SP140L: variants seen among roughly 807,000 people sequenced by gnomAD.
SP140L encodes nuclear body protein SP140-like protein.
SP140L carries 64 observed loss-of-function variants against 84.3 expected under a neutral mutation model. That is an observed-to-expected ratio of 0.76 (90% CI 0.62 to 0.94). The LOEUF is 0.94. Among genes scored for constraint, SP140L ranks in the 40% least tolerant of loss-of-function variants. The probability of loss-of-function intolerance (pLI) is 0.00; values close to 1 mark genes in which losing one functional copy is unlikely to be tolerated. For synonymous variants in SP140L, 242 were observed against 236.9 expected, an observed-to-expected ratio of 1.02 and a Z score of -0.20; for missense variants, 628 against 692.5, an observed-to-expected ratio of 0.91 and a Z score of 1.05.
At chr2:230,388,501 A>G (rs11688362) in intron 9 of SP140L, 58 bp from the exon 10 acceptor site, 402,661 of 1,398,062 alleles carry the variant, frequency 0.29, 61,870 homozygotes, top group Non-Finnish European at 0.32. Context: ...GAAAAGCAGC[A>G]ATATATGTAA....
intron 13 of SP140L, among the ~76,000 whole-genome samples, chr2:230,393,972 T>C (rs1029460081): frequency 1.3e-5 from 2 of 152,244 alleles, no homozygotes; most frequent in Non-Finnish European, 2.9e-5. Context: ...ATATTTCTTT[T>C]CTGATCTTTC....
In SP140L at chr2:230,356,798, G is replaced by A. The variant is rs571222814; in HGVS notation, c.108-1007G>A. ...TTTTCTGACCACTTTTTGTCTTCAA[G>A]GTTTTATTTGAAATCTCTTATGTGC... On this transcript the variant is annotated intron_variant, in intron 2 of 18. Transcript: ENST00000415673. Among the ~76,000 whole-genome samples, 59 of 152,164 alleles carry A rather than the reference G, an allele frequency of 3.9e-4. 1 individual carries two copies. Among genetic ancestry groups the A allele is most frequent in the African/African-American group, 1.3e-3 (54 of 41,536 alleles).
chr2:230,358,900 T>C, intron 3 of SP140L, 64 bp from the exon 4 acceptor site: 2 of 1,398,106 alleles, frequency 1.4e-6, no homozygotes, highest in Non-Finnish European at 9.6e-7. Flanking sequence ...TAAAATTTGT[T>C]TTTATGGCTC....
intron 2 of SP140L, among the ~76,000 whole-genome samples, chr2:230,348,320 G>A (rs555893556): frequency 7.3e-4 from 111 of 152,164 alleles, no homozygotes; most frequent in Non-Finnish European, 1.1e-3. Flanking sequence ...AAAATCTATC[G>A]TACACTGTTT....
chr2:230,374,997 A>T (rs1287298285), intron 7 of SP140L, among the ~76,000 whole-genome samples: 4 of 152,174 alleles, frequency 2.6e-5, no homozygotes, highest in Admixed American at 6.5e-5. Context: ...AGATGTTTGA[A>T]ATTTTTATCT....
intron 1 of SP140L, 75 bp downstream of exon 1, chr2:230,327,376 T>A: frequency 6.5e-7 from 1 of 1,531,186 alleles, no homozygotes; most frequent in Non-Finnish European, 8.9e-7. Context: ...GTTCAGTTTC[T>A]GTCTAAAGCT....
chr2:230,389,251 G>A (rs2061705558), intron 10 of SP140L, among the ~76,000 whole-genome samples: 1 of 152,118 alleles, frequency 6.6e-6, no homozygotes, highest in Admixed American at 6.5e-5. Context: ...GTTTGGAAGG[G>A]CAGGATTAGC....
chr2:230,373,109 G>A (rs1221811267), intron 7 of SP140L, among the ~76,000 whole-genome samples: 2 of 152,178 alleles, frequency 1.3e-5, no homozygotes, highest in African/African-American at 4.8e-5. Context: ...AAGTCTGAAG[G>A]TAACACCAGT....
chr2:230,365,095 G>C (rs1159107314), intron 5 of SP140L, among the ~76,000 whole-genome samples: 1 of 151,982 alleles, frequency 6.6e-6, no homozygotes, highest in Admixed American at 6.6e-5. Flanking sequence ...TGTTTATCAG[G>C]GATACTGGCC....
At chr2:230,385,534 T>C (rs1575524288) in intron 9 of SP140L, among the ~76,000 whole-genome samples, 1 of 152,210 alleles carries the variant, frequency 6.6e-6, no homozygotes, top group African/African-American at 2.4e-5. Context: ...GTGTTTTATC[T>C]GATTTTCCTG....
intron 2 of SP140L, among the ~76,000 whole-genome samples, chr2:230,329,522 G>T (rs1226727990): frequency 6.6e-6 from 1 of 152,162 alleles, no homozygotes; most frequent in Admixed American, 6.5e-5. Flanking sequence ...AGAGGGACCT[G>T]GTGGGAGGTG....
intron 5 of SP140L, among the ~76,000 whole-genome samples, chr2:230,370,024 A>G (rs543891301): frequency 4.7e-5 from 7 of 147,932 alleles, no homozygotes; most frequent in African/African-American, 1.9e-4. Context: ...TGCCCACCTC[A>G]GCCTCCCAAA....
chr2:230,401,133 G>C, intron 16 of SP140L, 70 bp downstream of exon 16: 4 of 694,076 alleles, frequency 5.8e-6, no homozygotes, highest in Non-Finnish European at 9.5e-6. Context: ...AAGCGCAAGG[G>C]CAGGGGAATG....
chr2:230,343,491 C>T (rs2060122292), intron 2 of SP140L, among the ~76,000 whole-genome samples: 1 of 147,434 alleles, frequency 6.8e-6, no homozygotes, highest in Admixed American at 6.8e-5. Flanking sequence ...CATTGATGGG[C>T]ATTTAGGTGG....
intron 2 of SP140L, among the ~76,000 whole-genome samples, chr2:230,336,315 C>T (rs1183858377): frequency 6.6e-6 from 1 of 152,192 alleles, no homozygotes; most frequent in African/African-American, 2.4e-5. Flanking sequence ...TGTGCCTAAT[C>T]TAGAACGTCT....
intron 16 of SP140L, 72 bp downstream of exon 16, chr2:230,401,135 A>G (rs2062318483): frequency 4.3e-6 from 3 of 691,540 alleles, no homozygotes; most frequent in Non-Finnish European, 7.2e-6. Flanking sequence ...GCGCAAGGGC[A>G]GGGGAATGTA....
At chr2:230,349,063 G>A (rs551581563) in intron 2 of SP140L, among the ~76,000 whole-genome samples, 61 of 152,340 alleles carry the variant, frequency 4.0e-4, no homozygotes, top group African/African-American at 1.4e-3. Context: ...TGTATATGAT[G>A]TGAGGTAAGA....
At chr2:230,361,756 A>G in intron 5 of SP140L, 59 bp downstream of exon 5, 1 of 1,332,776 alleles carries the variant, frequency 7.5e-7, no homozygotes, top group East Asian at 2.5e-5. Flanking sequence ...GAGACAAGGG[A>G]GGTGAGGGCC....
intron 6 of SP140L, 89 bp from the exon 7 acceptor site, chr2:230,371,509 C>A: frequency 8.5e-7 from 1 of 1,170,932 alleles, no homozygotes; most frequent in Non-Finnish European, 1.2e-6. Context: ...TCTTTATAAA[C>A]TCAAGCCTTC....
Sources: allele counts gnomAD v4.1 joint callset (sites outside exome capture counted in the v4.1 genomes callset), GRCh38; gene constraint gnomAD v4.1.1; transcripts MANE v1.5; gene names NCBI Gene and HGNC (gene_info 2026-07-23, HGNC 2026-07-21).